ZNF30: variants seen among roughly 807,000 people sequenced by gnomAD.
ZNF30 encodes the protein zinc finger protein 30 (KOX 28).
Under a neutral mutation model 13.2 loss-of-function variants are expected in ZNF30, and 15 were observed. The observed-to-expected ratio is 1.13, with a 90% CI of 0.76 to 1.75. The LOEUF (loss-of-function observed/expected upper bound fraction) is 1.75. Among genes scored for constraint, ZNF30 ranks in the 40% most tolerant of loss-of-function variants. ZNF30 has a pLI of 0.00. For missense variants in ZNF30, 726 were observed against 757.0 expected (o/e 0.96, Z 0.48); for synonymous variants, 223 against 256.6 (o/e 0.87, Z 1.25).
At chr19:34,942,443 CA>C (rs911384556) in intron 4 of ZNF30, among the ~76,000 whole-genome samples, 37 of 113,392 alleles carry the variant, frequency 3.3e-4, no homozygotes, top group Admixed American at 5.5e-4. Flanking sequence ...AGATCCTATC[CA>C]AAAAAAAAAA....
At chr19:34,938,795 C>T (rs1271236464) in intron 4 of ZNF30, among the ~76,000 whole-genome samples, 1 of 152,170 alleles carries the variant, frequency 6.6e-6, no homozygotes, top group Non-Finnish European at 1.5e-5. Flanking sequence ...CCCCAGCTTG[C>T]CAGCGGGGCA....
chr19:34,939,155 CCTCCCCTCCCTCCG>C (rs1460958888), intron 4 of ZNF30, among the ~76,000 whole-genome samples: 1 of 107,324 alleles, frequency 9.3e-6, no homozygotes, highest in Non-Finnish European at 1.8e-5. Flanking sequence ...CCCTCCCCTC[CCTCCCCTCCCTCCG>C]CTCCCCTCCC....
At position 34,945,056 on chromosome 19, in the gene ZNF30, G is replaced by C. The variant is rs2013270710; in HGVS notation, c.*218G>C. ...TACTGGTGGACCATTCAGAAAAAGT[G>C]GGAAACGTTATTACTTAATGGTTAC... On this transcript the variant is annotated 3_prime_UTR_variant, in exon 5 of 5. Coordinates refer to ENST00000601142, the MANE Select transcript of ZNF30 (RefSeq NM_194325.3). The C allele has an allele frequency of 2.1e-6, 1 of 483,784 alleles. No homozygotes were observed. Among genetic ancestry groups the C allele is most frequent in the South Asian group, 5.9e-5 (1 of 16,978 alleles). 30.0% of individuals were successfully genotyped at this position (483,784 alleles called of 1,614,324 possible).
intron 4 of ZNF30, chr19:34,942,796 A>G: frequency 5.7e-6 from 2 of 351,858 alleles, no homozygotes; most frequent in South Asian, 5.0e-5. Flanking sequence ...ATCTGTGGAA[A>G]GATACATGGA....
chr19:34,926,731 G>T (rs115588923), upstream of ZNF30: 3,607 of 391,978 alleles, frequency 9.2e-3, 117 homozygotes, highest in African/African-American at 0.066. Flanking sequence ...TTTCTGACCT[G>T]GTGTGTTAAT....
intron 1 of ZNF30, among the ~76,000 whole-genome samples, chr19:34,928,252 T>TATATATATATAGATAGATAG (rs1325117057): frequency 1.8e-5 from 1 of 56,576 alleles, no homozygotes. Flanking sequence ...TATATATATA[T>TATATATATATAGATAGATAG]ATAGATAGAT....
chr19:34,939,137 CTCCCCTCCCCT>C (rs1431829355), intron 4 of ZNF30, among the ~76,000 whole-genome samples: 1 of 99,964 alleles, frequency 1.0e-5, no homozygotes, highest in African/African-American at 6.3e-5. Context: ...CTCCCCTCCC[CTCCCCTCCCCT>C]CCCCTCCCTC....
intron 1 of ZNF30, among the ~76,000 whole-genome samples, chr19:34,927,789 G>A (rs1036588608): frequency 3.4e-4 from 52 of 152,332 alleles, no homozygotes; most frequent in African/African-American, 1.2e-3. Flanking sequence ...AGAGGAAATT[G>A]AAATGTCAGA....
chr19:34,933,594 T>G lies in ZNF30; in HGVS notation c.161-34T>G. ...CTGGAAGTATTTTTGAACTCATATT[T>G]TATTTCTTTTCTACATTCTTATCTC... On this transcript the variant is annotated intron_variant, in intron 3 of 4. Coordinates refer to ENST00000601142, the MANE Select transcript of ZNF30 (RefSeq NM_194325.3). 2.0e-6 allele frequency: 3 copies of G among 1,491,462 alleles called. No individual in the cohort carries two copies. The Middle Eastern group carries it at 5.1e-4, about 255-fold the overall frequency. 92.4% of individuals were successfully genotyped at this position (1,491,462 alleles called of 1,614,324 possible).
At position 34,944,469 on chromosome 19, in the gene ZNF30, A is replaced by G. The variant is rs148768619; in HGVS notation, c.1503A>G (p.Gln501=). 2,976 of 1,613,820 alleles carry G rather than the reference A, an allele frequency of 1.8e-3. 11 individuals carry two copies. The highest frequency in any genetic ancestry group is 1.4e-3 in the Non-Finnish European group (1,682 of 1,179,944). ...KTFSRASYLV[Q]HSRIHTGKKP... ...TTAGTCGAGCCTCGTACCTTGTACA[A>G]CATAGCAGAATCCATACTGGTAAGA... The change falls in exon 5 of 5, where the codon CAA becomes CAG. Residue 501 remains glutamine (Q), a synonymous_variant. Coordinates refer to ENST00000601142, the MANE Select transcript of ZNF30 (RefSeq NM_194325.3).
At chr19:34,930,358 G>T (rs1224298597) in intron 2 of ZNF30, among the ~76,000 whole-genome samples, 1 of 152,158 alleles carries the variant, frequency 6.6e-6, no homozygotes, top group African/African-American at 2.4e-5. Flanking sequence ...TGTATTGATT[G>T]GTCTCAATAT....
In ZNF30 at chr19:34,927,020, G is replaced by A. The variant is rs937012794; in HGVS notation, c.-261G>A. 2.5e-6 allele frequency: 1 copy of A among 398,474 alleles called. No homozygotes were observed. The highest frequency in any genetic ancestry group is 1.3e-4 in the South Asian group (1 of 7,834). The allele number at this position is 398,474 out of a possible 1,614,324, so 24.7% of individuals were successfully genotyped here. ...TACATTTCTCAGCGGCCACTGGAACGACCTCAATCTCTGCCTCCTCGCCAG... is the reference window on the plus strand; with the variant it reads ...TACATTTCTCAGCGGCCACTGGAACAACCTCAATCTCTGCCTCCTCGCCAG... On this transcript the variant is annotated 5_prime_UTR_variant, in exon 1 of 5. Coordinates refer to ENST00000601142, the MANE Select transcript of ZNF30 (RefSeq NM_194325.3).
chr19:34,943,805 G>A lies in ZNF30; in HGVS notation c.839G>A (p.Arg280Gln), dbSNP rs774762859. The part of the protein sequence containing the change: ...STFSYLVQHQ[R>Q]IHTSEKPYEC... ...TTTTCATACCTGGTTCAACATCAGC[G>A]AATTCATACCAGTGAAAAACCTTAC... Residue 280 changes from arginine to glutamine, a missense_variant, in exon 5 of 5, where the codon CGA becomes CAA. Transcript: ENST00000601142. The A allele has an allele frequency of 1.1e-5, 17 of 1,613,904 alleles. No individual in the cohort carries two copies. The highest frequency in any genetic ancestry group is 5.0e-5 in the Admixed American group (3 of 59,976).
Position 34,943,597 on chromosome 19 carries a change from A to C in ZNF30, c.631A>C (p.Lys211Gln). The change falls in exon 5 of 5, where the codon AAG becomes CAG. Residue 211 changes from lysine (K) to glutamine (Q), a missense_variant. By Grantham distance (53) the Lys-to-Gln change is moderately conservative (BLOSUM62 1). Coordinates refer to ENST00000601142, the MANE Select transcript of ZNF30 (RefSeq NM_194325.3). ...GCCACTCAAATGTAAGCAATGTGGA[A>C]AGACTATTAGTGGTAGCTATCAACT... ...EKPLKCKQCG[K>Q]TISGSYQLTV... 1 of 1,613,784 alleles carries C rather than the reference A, an allele frequency of 6.2e-7. No individual in the cohort carries two copies.
rs537650923 is a variant in ZNF30 at position 34,945,039 on chromosome 19, G to T, written c.*201G>T. The T allele has an allele frequency of 3.8e-6, 2 of 526,296 alleles. No individual in the cohort carries two copies. The highest frequency in any genetic ancestry group is 3.0e-5 in the East Asian group (1 of 33,284). 32.6% of individuals were successfully genotyped at this position (526,296 alleles called of 1,614,324 possible). On this transcript the variant is annotated 3_prime_UTR_variant, in exon 5 of 5. Transcript: ENST00000601142. ...TGTAATACCAATATTTATACTGGTG[G>T]ACCATTCAGAAAAAGTGGGAAACGT...
Position 34,943,830 on chromosome 19 carries a change from C to G in ZNF30, c.864C>G (p.Tyr288Ter), listed in dbSNP as rs372239598. The G allele has an allele frequency of 6.2e-7, 1 of 1,613,336 alleles. No individual in the cohort carries two copies. The highest frequency in any genetic ancestry group is 1.3e-5 in the African/African-American group (1 of 74,748). ...GAATTCATACCAGTGAAAAACCTTACGAATGCAAAGAATGTGGGAAGGCCT... is the reference window on the plus strand; with the variant it reads ...GAATTCATACCAGTGAAAAACCTTAGGAATGCAAAGAATGTGGGAAGGCCT... ...HQRIHTSEKP[Y>*]ECKECGKAFS... Residue 288 changes from tyrosine (Y) to a stop codon, truncating the protein, a stop_gained, in exon 5 of 5, where the codon TAC becomes TAG. Coordinates refer to ENST00000601142, the MANE Select transcript of ZNF30 (RefSeq NM_194325.3). LOFTEE classifies it low-confidence loss of function (END_TRUNC).
chr19:34,926,184 AAAAAC>A (rs1356164483), upstream of ZNF30, among the ~76,000 whole-genome samples: 1 of 152,184 alleles, frequency 6.6e-6, no homozygotes. Flanking sequence ...AAAACAAAAC[AAAAAC>A]AAAACAAACA....
In ZNF30 at chr19:34,927,201, C is replaced by G; in HGVS notation, c.-80C>G. On this transcript the variant is annotated 5_prime_UTR_variant, in exon 1 of 5. Transcript: ENST00000601142. ...CTGCAGACCTGTGTCGGCGCGGAAC[C>G]CGGACTGAGACATGCGTGAGCGTTG... The G allele has an allele frequency of 2.6e-6, 1 of 384,736 alleles. No individual in the cohort carries two copies. The highest frequency in any genetic ancestry group is 4.6e-6 in the Non-Finnish European group (1 of 217,670). 23.8% of individuals were successfully genotyped at this position (384,736 alleles called of 1,614,324 possible).
At position 34,929,965 on chromosome 19, in the gene ZNF30, G is replaced by T; in HGVS notation, c.9+9G>T. On this transcript the variant is annotated intron_variant, in intron 2 of 4. Coordinates refer to ENST00000601142, the MANE Select transcript of ZNF30 (RefSeq NM_194325.3). ...CTCAAAGCATGGCCCATGTAAGTTG[G>T]TGTTTCTTCTTGAAATATGGGGATT... 1 of 1,605,460 alleles carries T rather than the reference G, an allele frequency of 6.2e-7. No homozygotes were observed. Among genetic ancestry groups the T allele is most frequent in the South Asian group, 1.1e-5 (1 of 89,116 alleles).
Sources: allele counts gnomAD v4.1 joint callset (sites outside exome capture counted in the v4.1 genomes callset), GRCh38; gene constraint gnomAD v4.1.1; transcripts MANE v1.5; gene names NCBI Gene and HGNC (gene_info 2026-07-23, HGNC 2026-07-21).